The following ZBBX variants were observed in gnomAD, a reference collection of about 807,000 sequenced individuals.
ZBBX encodes zinc finger B-box domain containing.
ZBBX carries 101 observed loss-of-function variants against 108.5 expected under a neutral mutation model. The ratio of observed to expected loss-of-function variants is 0.93; its 90% CI spans 0.79 to 1.10. The LOEUF is 1.10. Ranked by LOEUF, ZBBX falls within the 50% of genes least tolerant of loss-of-function variation. The pLI is 0.00. For synonymous variants in ZBBX, 356 were observed against 323.4 expected, an observed-to-expected ratio of 1.10 and a Z score of -1.08; for missense variants, 1,009 against 941.4, an observed-to-expected ratio of 1.07 and a Z score of -0.94.
intron 1 of ZBBX, among the ~76,000 whole-genome samples, chr3:167,397,141 G>GT (rs1748261240): frequency 2.2e-5 from 1 of 44,460 alleles, no homozygotes; most frequent in African/African-American, 1.2e-4. Flanking sequence ...GTTCTTGGTG[G>GT]TAAAAAAAAA....
chr3:167,198,995 T>C, the ZBBX span, among the ~76,000 whole-genome samples: 1 of 152,204 alleles, frequency 6.6e-6, no homozygotes, highest in Non-Finnish European at 1.5e-5. Context: ...TTTTTGTTTG[T>C]GTTCTCCCAA....
intron 1 of ZBBX, among the ~76,000 whole-genome samples, chr3:167,403,816 G>A (rs1444917078): frequency 6.6e-6 from 1 of 151,636 alleles, no homozygotes; most frequent in Non-Finnish European, 1.5e-5. Flanking sequence ...AATCTAACAG[G>A]TTATATAAAA....
At chr3:167,205,065 C>T in the ZBBX span, among the ~76,000 whole-genome samples, 1 of 152,032 alleles carries the variant, frequency 6.6e-6, no homozygotes, top group Non-Finnish European at 1.5e-5. Context: ...GGGGGCACAA[C>T]ATGAGATAAC....
intron 20 of ZBBX, among the ~76,000 whole-genome samples, chr3:167,259,408 T>G (rs559662474): frequency 1.1e-4 from 17 of 152,310 alleles, no homozygotes; most frequent in African/African-American, 3.8e-4. Flanking sequence ...TTTATTTATC[T>G]TTTCGAAGAA....
the ZBBX span, among the ~76,000 whole-genome samples, chr3:167,206,849 A>G: frequency 6.6e-6 from 1 of 152,124 alleles, no homozygotes; most frequent in Non-Finnish European, 1.5e-5. Flanking sequence ...ATAGTTAACT[A>G]ATTTTCAACA....
intron 20 of ZBBX, among the ~76,000 whole-genome samples, chr3:167,244,620 T>C (rs1721243950): frequency 1.3e-5 from 2 of 152,004 alleles, no homozygotes; most frequent in African/African-American, 4.8e-5. Flanking sequence ...CAGAGAAAAA[T>C]AAAACTGCTC....
At chr3:167,350,713 C>T (rs567723039) in intron 8 of ZBBX, among the ~76,000 whole-genome samples, 198 bp from the exon 9 acceptor site, 1 of 151,660 alleles carries the variant, frequency 6.6e-6, no homozygotes, top group African/African-American at 2.4e-5. Flanking sequence ...AGACTTAACT[C>T]TTTGAAGAAA....
At chr3:167,218,363 A>G in the ZBBX span, among the ~76,000 whole-genome samples, 1 of 152,294 alleles carries the variant, frequency 6.6e-6, no homozygotes, top group Non-Finnish European at 1.5e-5. Context: ...TAAATTAATC[A>G]TATCTTCAGT....
chr3:167,277,327 C>T (rs973285658), intron 20 of ZBBX, among the ~76,000 whole-genome samples: 1 of 152,092 alleles, frequency 6.6e-6, no homozygotes, highest in African/African-American at 2.4e-5. Context: ...AGTCAAAACC[C>T]ATCAGTGTGC....
At chr3:167,289,983 G>C (rs977709971) in intron 18 of ZBBX, among the ~76,000 whole-genome samples, 2 of 152,074 alleles carry the variant, frequency 1.3e-5, no homozygotes, top group African/African-American at 4.8e-5. Context: ...GTTCAAACTG[G>C]GCAGAGTCCA....
intron 1 of ZBBX, among the ~76,000 whole-genome samples, chr3:167,397,687 T>C (rs1399829520): frequency 1.3e-5 from 2 of 151,786 alleles, no homozygotes; most frequent in Non-Finnish European, 2.9e-5. Context: ...GAAATGCAGA[T>C]GATGACAAAA....
intron 20 of ZBBX, among the ~76,000 whole-genome samples, chr3:167,250,199 C>T (rs1018154709): frequency 2.0e-5 from 3 of 152,106 alleles, no homozygotes; most frequent in African/African-American, 7.2e-5. Flanking sequence ...AAGTGGCCAA[C>T]TTGGTCTTTT....
chr3:167,313,922 T>C (rs991213073), intron 16 of ZBBX, 52 bp downstream of exon 16: 6 of 1,452,400 alleles, frequency 4.1e-6, no homozygotes, highest in Non-Finnish European at 5.5e-6. Context: ...ACTGCAATAG[T>C]AAATTATCAA....
At chr3:167,293,357 C>T (rs751254165) in intron 18 of ZBBX, among the ~76,000 whole-genome samples, 8 of 151,718 alleles carry the variant, frequency 5.3e-5, no homozygotes, top group East Asian at 1.9e-4. Flanking sequence ...ACAATCAAGT[C>T]GGCTTCATCC....
At chr3:167,304,091 C>A (rs1233011481) in intron 17 of ZBBX, among the ~76,000 whole-genome samples, 2 of 152,090 alleles carry the variant, frequency 1.3e-5, no homozygotes, top group African/African-American at 4.8e-5. Flanking sequence ...GCAGTCCATA[C>A]TGTCTTATTC....
rs556731962 is a variant in ZBBX at position 167,368,431 on chromosome 3, C to G, written c.182+30G>C. On this transcript the variant is annotated intron_variant, in intron 5 of 21. Transcript: ENST00000675490. ...AGTTCTTTATATAATTTAGTTGATT[C>G]ATCTAAAATTCTCTAAGAGTTTCAC... 5.5e-6 allele frequency: 8 copies of G among 1,459,462 alleles called. No individual in the cohort carries two copies. The South Asian group carries it at 9.1e-5, about 17-fold the overall frequency. 90.4% of individuals were successfully genotyped at this position (1,459,462 alleles called of 1,614,324 possible).
At chr3:167,221,949 T>G in the ZBBX span, among the ~76,000 whole-genome samples, 1 of 151,874 alleles carries the variant, frequency 6.6e-6, no homozygotes, top group Admixed American at 6.6e-5. Flanking sequence ...AAAGGGAACC[T>G]TCATATGTTG....
chr3:167,349,861 T>C (rs966673407), intron 9 of ZBBX, among the ~76,000 whole-genome samples: 1 of 152,094 alleles, frequency 6.6e-6, no homozygotes, highest in Non-Finnish European at 1.5e-5. Flanking sequence ...ATTCTATTTA[T>C]AGTTTAAGTA....
At chr3:167,368,786 T>C in intron 4 of ZBBX, 2 of 1,180,096 alleles carry the variant, frequency 1.7e-6, no homozygotes, top group African/African-American at 3.2e-5. Context: ...CTTAGACTTT[T>C]GTTTTAATTA....
Sources: gnomAD v4.1 joint callset for allele counts (sites outside exome capture counted in the v4.1 genomes callset) on GRCh38, gnomAD v4.1.1 for gene constraint, MANE v1.5 for transcripts, NCBI Gene and HGNC (gene_info 2026-07-23, HGNC 2026-07-21) for gene names.